The following CCDC172 variants were observed in gnomAD, a reference collection of about 807,000 sequenced individuals.
CCDC172 encodes coiled-coil domain containing 172, also known as coiled-coil domain-containing protein 172.
In CCDC172, 30 loss-of-function variants were observed where a neutral mutation model predicts 38.0. The ratio of observed to expected loss-of-function variants is 0.79; its 90% CI spans 0.59 to 1.07. The LOEUF (loss-of-function observed/expected upper bound fraction) is 1.07. CCDC172 is among the 50% of genes least tolerant of loss of function. The pLI, the probability that CCDC172 is intolerant of heterozygous loss-of-function variation, is 0.00. For missense variants in CCDC172, 297 were observed against 290.1 expected (o/e 1.02, Z -0.17); for synonymous variants, 78 against 88.3 (o/e 0.88, Z 0.66).
chr10:116,366,911 A>C (rs11592675), intron 7 of CCDC172, among the ~76,000 whole-genome samples: 2 of 152,030 alleles, frequency 1.3e-5, no homozygotes, highest in Admixed American at 1.3e-4. Context: ...GACTACGTAT[A>C]TGGTTGAGCA....
At position 116,342,152 on chromosome 10, in the gene CCDC172, C is replaced by A; in HGVS notation, c.399C>A (p.Val133=). ...KKRELLMKEN[V]KIEISDLENQ... is the part of the protein sequence containing the mutation. ...GAGAGCTTTTGATGAAAGAAAATGT[C>A]AAGATTGAAATATCTGACTTAGAAA... is the stretch of plus-strand genomic sequence containing the variant. Residue 133 remains valine, a synonymous_variant, in exon 5 of 9, where the codon GTC becomes GTA. Coordinates refer to ENST00000333254, the MANE Select transcript of CCDC172 (RefSeq NM_198515.3). The A allele has an allele frequency of 6.5e-7, 1 of 1,539,528 alleles. No individual in the cohort carries two copies. Among genetic ancestry groups the A allele is most frequent in the South Asian group, 1.3e-5 (1 of 79,110 alleles).
intron 3 of CCDC172, among the ~76,000 whole-genome samples, chr10:116,339,288 T>A (rs112682126): frequency 0.015 from 2,237 of 152,032 alleles, 44 homozygotes; most frequent in African/African-American, 0.051. Flanking sequence ...TCTAATTAGT[T>A]ATATAGCCTT....
At chr10:116,340,461 A>G (rs886488975) in intron 3 of CCDC172, among the ~76,000 whole-genome samples, 4 of 151,890 alleles carry the variant, frequency 2.6e-5, no homozygotes, top group Non-Finnish European at 4.4e-5. Flanking sequence ...GAATTCTTCT[A>G]GGTATTGAGA....
At chr10:116,376,182 G>C (rs1845241852) in intron 7 of CCDC172, among the ~76,000 whole-genome samples, 1 of 152,162 alleles carries the variant, frequency 6.6e-6, no homozygotes, top group South Asian at 2.1e-4. Context: ...ATACACCATG[G>C]AATACTATGC....
intron 8 of CCDC172, 85 bp from the exon 9 acceptor site, chr10:116,379,238 G>A (rs1453095773): frequency 1.5e-6 from 1 of 664,168 alleles, no homozygotes; most frequent in Non-Finnish European, 2.4e-6. Flanking sequence ...AGAATTTATT[G>A]TCATTAAATT....
At chr10:116,356,391 G>A (rs1844997625) in intron 5 of CCDC172, among the ~76,000 whole-genome samples, 1 of 150,408 alleles carries the variant, frequency 6.6e-6, no homozygotes, top group Admixed American at 6.6e-5. Flanking sequence ...AGGGAGGGAG[G>A]AAGGAAGGAA....
chr10:116,325,355 G>A lies in CCDC172; in HGVS notation c.132G>A (p.Glu44=), dbSNP rs141532369. The A allele has an allele frequency of 6.8e-6, 11 of 1,613,774 alleles. No individual in the cohort carries two copies. In the African/African-American group the frequency reaches 1.2e-4, roughly 18 times the overall value. ...CREKIKKATE[E]LNEEKIKLES... ...AAAAAATTAAGAAAGCAACGGAGGA[G>A]CTGAATGAAGAGAAAATCAAGCTGG... The change falls in exon 3 of 9, where the codon GAG becomes GAA. Residue 44 remains glutamate, a synonymous_variant. Transcript: ENST00000333254.
At chr10:116,367,110 G>A (rs1425340055) in intron 7 of CCDC172, among the ~76,000 whole-genome samples, 1 of 152,060 alleles carries the variant, frequency 6.6e-6, no homozygotes, top group East Asian at 1.9e-4. Flanking sequence ...ATGGGGTTTT[G>A]TTGTTTGCTT....
intron 3 of CCDC172, among the ~76,000 whole-genome samples, chr10:116,335,873 A>G (rs901666244): frequency 6.6e-6 from 1 of 151,870 alleles, no homozygotes; most frequent in African/African-American, 2.4e-5. Context: ...TTGGATTCAT[A>G]TATAATAATG....
Position 116,324,980 on chromosome 10 carries a change from C to T in CCDC172, c.-32C>T, listed in dbSNP as rs572393849. ...GAGTTGGTTATAAAATATTTAAGGGCGAGAAAAGGATCGCAGGAGCCAGGC... is the reference window on the plus strand; with the variant it reads ...GAGTTGGTTATAAAATATTTAAGGGTGAGAAAAGGATCGCAGGAGCCAGGC... On this transcript the variant is annotated 5_prime_UTR_variant, in exon 2 of 9. Coordinates refer to ENST00000333254, the MANE Select transcript of CCDC172 (RefSeq NM_198515.3). 5 of 1,568,970 alleles carry T rather than the reference C, an allele frequency of 3.2e-6. No individual in the cohort carries two copies. Among genetic ancestry groups the T allele is most frequent in the Non-Finnish European group, 4.4e-6 (5 of 1,139,262 alleles).
chr10:116,343,053 A>T (rs1417249044), intron 5 of CCDC172, among the ~76,000 whole-genome samples: 1 of 152,150 alleles, frequency 6.6e-6, no homozygotes, highest in African/African-American at 2.4e-5. Context: ...TATGTGGGTT[A>T]TTGCAATCTT....
chr10:116,363,651 T>G (rs530405927), intron 7 of CCDC172, among the ~76,000 whole-genome samples: 1 of 152,230 alleles, frequency 6.6e-6, no homozygotes, highest in South Asian at 2.1e-4. Context: ...AGATTTAAAA[T>G]TTCGGCTGGG....
chr10:116,378,096 G>A lies in CCDC172; in HGVS notation c.654-327G>A, dbSNP rs529876175. ...CTTGGGAGGCTGAGGCAGGAGAATC[G>A]CTTGAACCCAGGAAGCAGAGGTTGC... On this transcript the variant is annotated intron_variant, in intron 7 of 8. Coordinates refer to ENST00000333254, the MANE Select transcript of CCDC172 (RefSeq NM_198515.3). 2.8e-4 allele frequency among the ~76,000 whole-genome samples: 42 copies of A among 152,062 alleles called. No homozygotes were observed. The South Asian group carries it at 5.6e-3, about 20-fold the overall frequency.
At position 116,371,239 on chromosome 10, in the gene CCDC172, T is replaced by C. The variant is rs140459940; in HGVS notation, c.654-7184T>C. Among the ~76,000 whole-genome samples, 47 of 152,000 alleles carry C rather than the reference T, an allele frequency of 3.1e-4. 1 individual carries two copies. In the East Asian group the frequency reaches 8.3e-3, roughly 27 times the overall value. The stretch of plus-strand genomic sequence containing the variant: ...TATTAATTCTGATTTTATTGAAAGT[T>C]TTTTTAAAATCAGGGATAAGTTTTA... On this transcript the variant is annotated intron_variant, in intron 7 of 8. Coordinates refer to ENST00000333254, the MANE Select transcript of CCDC172 (RefSeq NM_198515.3).
At chr10:116,347,238 A>G (rs1343551775) in intron 5 of CCDC172, among the ~76,000 whole-genome samples, 1 of 152,198 alleles carries the variant, frequency 6.6e-6, no homozygotes, top group African/African-American at 2.4e-5. Context: ...AGACGGCTTC[A>G]TGAAAGATGG....
intron 3 of CCDC172, among the ~76,000 whole-genome samples, chr10:116,327,160 G>A (rs186125378): frequency 1.7e-4 from 26 of 152,204 alleles, no homozygotes; most frequent in African/African-American, 6.0e-4. Flanking sequence ...CTTTTTATGA[G>A]TGAGGAAACT....
intron 3 of CCDC172, among the ~76,000 whole-genome samples, chr10:116,330,294 G>C (rs10885908): frequency 3.9e-5 from 6 of 151,986 alleles, no homozygotes; most frequent in Admixed American, 3.9e-4. Context: ...TGGTGAGTTC[G>C]TTAGTGATAT....
chr10:116,333,696 T>C (rs1291327822), intron 3 of CCDC172, among the ~76,000 whole-genome samples: 1 of 152,186 alleles, frequency 6.6e-6, no homozygotes, highest in African/African-American at 2.4e-5. Context: ...TCAGTATTTG[T>C]GCTTTGCTGG....
At chr10:116,344,245 C>A (rs1355596530) in intron 5 of CCDC172, among the ~76,000 whole-genome samples, 1 of 152,158 alleles carries the variant, frequency 6.6e-6, no homozygotes, top group African/African-American at 2.4e-5. Context: ...CTGAGAAATG[C>A]ATTCTTAGTC....
Sources: allele counts gnomAD v4.1 joint callset (sites outside exome capture counted in the v4.1 genomes callset), GRCh38; gene constraint gnomAD v4.1.1; transcripts MANE v1.5; gene names NCBI Gene and HGNC (gene_info 2026-07-23, HGNC 2026-07-21).